Variants in NRXN1 observed in about 807,000 individuals in gnomAD.
NRXN1 encodes the protein neurexin 1, also known as neurexin-1.
Under a neutral mutation model 150.9 loss-of-function variants are expected in NRXN1, and 39 were observed. The ratio of observed to expected loss-of-function variants is 0.26; its 90% CI spans 0.20 to 0.34. The LOEUF (loss-of-function observed/expected upper bound fraction) is 0.34. Ranked by LOEUF, NRXN1 falls within the 10% of genes least tolerant of loss-of-function variation. The pLI, the probability that NRXN1 is intolerant of heterozygous loss-of-function variation, is 1.00. For missense variants in NRXN1, 1,815 were observed against 1,949.9 expected, an observed-to-expected ratio of 0.93 and a Z score of 1.30; for synonymous variants, 924 against 757.0, an observed-to-expected ratio of 1.22 and a Z score of -3.62.
At chr2:50,880,880 G>A (rs1679330576) in intron 5 of NRXN1, among the ~76,000 whole-genome samples, 1 of 151,904 alleles carries the variant, frequency 6.6e-6, no homozygotes, top group South Asian at 2.1e-4. Flanking sequence ...CCTGCCTCAG[G>A]TAACAAGCTT....
Position 50,960,550 on chromosome 2 carries a change from C to A in NRXN1, c.773-34595G>T, listed in dbSNP as rs1378096779. Among the ~76,000 whole-genome samples, 5 of 151,880 alleles carry A rather than the reference C, an allele frequency of 3.3e-5. No homozygotes were observed. The East Asian group carries it at 9.7e-4, about 29-fold the overall frequency. On this transcript the variant is annotated intron_variant, in intron 2 of 22. Coordinates refer to ENST00000401669, the MANE Select transcript of NRXN1 (RefSeq NM_001330078.2). ...TGAAGTTGGTGCACAACAAGAGAGA[C>A]ATATTATCACCTACATGGAGGAAGT...
At chr2:50,573,103 C>T (rs10210822) in intron 8 of NRXN1, among the ~76,000 whole-genome samples, 317 of 152,182 alleles carry the variant, frequency 2.1e-3, no homozygotes, top group African/African-American at 7.4e-3. Flanking sequence ...GGCATGGTGG[C>T]TCATACCTGT....
rs142961074 is a variant in NRXN1, at chr2:50,779,893, T to C, written c.832+141976A>G. Among the ~76,000 whole-genome samples the C allele has an allele frequency of 9.2e-5, 14 of 152,342 alleles. No individual in the cohort carries two copies. The East Asian group carries it at 2.7e-3, about 29-fold the overall frequency. Reference sequence around the variant, plus strand: ...CTTGGGTATATACCCAGTAATGGGATTGCTGGATCAAATGGTATTTCTGAT... The same window carrying C: ...CTTGGGTATATACCCAGTAATGGGACTGCTGGATCAAATGGTATTTCTGAT... On this transcript the variant is annotated intron_variant, in intron 5 of 22. Transcript: ENST00000401669.
chr2:50,265,997 TATTTA>T (rs201018628), intron 17 of NRXN1, among the ~76,000 whole-genome samples: 8,382 of 92,960 alleles, frequency 0.09, 333 homozygotes, highest in Middle Eastern at 0.11. Flanking sequence ...TTATTATTAT[TATTTA>T]TTTTTTTTTT....
At chr2:50,725,182 C>A (rs1371404098) in intron 5 of NRXN1, among the ~76,000 whole-genome samples, 1 of 151,640 alleles carries the variant, frequency 6.6e-6, no homozygotes, top group African/African-American at 2.4e-5. Flanking sequence ...GTGACCTTGG[C>A]CTTGTCATTT....
intron 5 of NRXN1, among the ~76,000 whole-genome samples, chr2:50,631,944 G>C (rs1240665214): frequency 6.6e-6 from 1 of 151,834 alleles, no homozygotes; most frequent in African/African-American, 2.4e-5. Context: ...ATTAAAAGTA[G>C]CTTCATGAAT....
intron 13 of NRXN1, among the ~76,000 whole-genome samples, chr2:50,504,823 T>C (rs2092137913): frequency 6.6e-6 from 1 of 152,218 alleles, no homozygotes; most frequent in Non-Finnish European, 1.5e-5. Context: ...TCTAGCACCA[T>C]GCACTTGCAA....
intron 17 of NRXN1, among the ~76,000 whole-genome samples, chr2:50,411,569 C>T (rs1021499893): frequency 6.6e-6 from 1 of 151,852 alleles, no homozygotes; most frequent in African/African-American, 2.4e-5. Context: ...GCGACCCCGT[C>T]TGGGAACTGA....
intron 17 of NRXN1, among the ~76,000 whole-genome samples, chr2:50,430,647 A>G (rs6711307): frequency 0.3 from 46,290 of 152,054 alleles, 7,346 homozygotes; most frequent in East Asian, 0.39. Flanking sequence ...AAATGCTGGA[A>G]TAGTAACTGT....
intron 9 of NRXN1, among the ~76,000 whole-genome samples, chr2:50,542,518 CA>C (rs1465233028): frequency 1.3e-5 from 2 of 152,112 alleles, no homozygotes; most frequent in African/African-American, 4.8e-5. Context: ...GGCTGAAAAT[CA>C]AGTACTACTT....
intron 5 of NRXN1, among the ~76,000 whole-genome samples, chr2:50,879,814 C>T (rs1379632659): frequency 6.6e-6 from 1 of 151,864 alleles, no homozygotes. Context: ...GGAAAAGAAT[C>T]TTGTCATGTT....
At chr2:50,968,096 G>A (rs1694391732) in intron 2 of NRXN1, among the ~76,000 whole-genome samples, 1 of 151,960 alleles carries the variant, frequency 6.6e-6, no homozygotes, top group African/African-American at 2.4e-5. Context: ...AAATACTTCT[G>A]ATAGGTAGAC....
chr2:50,981,538 C>G (rs889182746), intron 2 of NRXN1, among the ~76,000 whole-genome samples: 4 of 147,412 alleles, frequency 2.7e-5, no homozygotes, highest in African/African-American at 2.5e-5. Context: ...AAGATTGTCT[C>G]TTCAGCCATT....
At chr2:50,287,334 C>G (rs962233256) in intron 17 of NRXN1, among the ~76,000 whole-genome samples, 2 of 151,946 alleles carry the variant, frequency 1.3e-5, no homozygotes, top group African/African-American at 4.8e-5. Context: ...TTTTAACATG[C>G]CATTAGTGCT....
At chr2:50,207,613 C>A (rs2062705941) in intron 18 of NRXN1, 2 of 167,404 alleles carry the variant, frequency 1.2e-5, no homozygotes, top group Non-Finnish European at 2.9e-5. Context: ...CGGAACTTGA[C>A]TTTGAATCAA....
chr2:50,230,145 A>T (rs2064801803), intron 18 of NRXN1, among the ~76,000 whole-genome samples: 1 of 152,062 alleles, frequency 6.6e-6, no homozygotes, highest in South Asian at 2.1e-4. Context: ...CTGCTAGCTT[A>T]GGAGGTGAAA....
chr2:50,009,708 A>C (rs1030659167), intron 21 of NRXN1, among the ~76,000 whole-genome samples: 19 of 152,192 alleles, frequency 1.2e-4, no homozygotes, highest in Non-Finnish European at 2.6e-4. Flanking sequence ...AGTAATATAC[A>C]ATCATAATAG....
At chr2:50,632,090 G>A (rs1056827769) in intron 5 of NRXN1, among the ~76,000 whole-genome samples, 3 of 151,832 alleles carry the variant, frequency 2.0e-5, no homozygotes, top group African/African-American at 7.3e-5. Context: ...TTTATAAACA[G>A]TCCTCATTTA....
chr2:50,629,323 A>G (rs1203177952), intron 5 of NRXN1, among the ~76,000 whole-genome samples: 3 of 151,666 alleles, frequency 2.0e-5, no homozygotes, highest in Non-Finnish European at 4.4e-5. Flanking sequence ...AAATACAGAT[A>G]AATCTCACAA....
Sources: gnomAD v4.1 joint callset for allele counts (sites outside exome capture counted in the v4.1 genomes callset) on GRCh38, gnomAD v4.1.1 for gene constraint, MANE v1.5 for transcripts, NCBI Gene and HGNC (gene_info 2026-07-23, HGNC 2026-07-21) for gene names.